The following LTBP1 variants were observed in gnomAD, a reference collection of about 807,000 sequenced individuals.
The protein encoded by LTBP1 is latent-transforming growth factor beta-binding protein 1.
Under a neutral mutation model 207.6 loss-of-function variants are expected in LTBP1, and 129 were observed. The ratio of observed to expected loss-of-function variants is 0.62; its 90% confidence interval spans 0.54 to 0.72. The LOEUF (loss-of-function observed/expected upper bound fraction) is 0.72, where lower values mean the gene tolerates loss of function less well. Among genes scored for constraint, LTBP1 ranks in the 30% least tolerant of loss-of-function variants. LTBP1 has a pLI of 0.00. For missense variants in LTBP1, 2,281 were observed against 2,217.2 expected (o/e 1.03, Z -0.58); for synonymous variants, 963 against 833.7 (o/e 1.16, Z -2.67).
intron 3 of LTBP1, among the ~76,000 whole-genome samples, chr2:33,077,700 TGGGG>T (rs2078161317): frequency 6.6e-6 from 1 of 152,176 alleles, no homozygotes; most frequent in Non-Finnish European, 1.5e-5. Flanking sequence ...GAGATTTGGG[TGGGG>T]ACACAGATCC....
chr2:33,320,523 G>T (rs2094339422), intron 24 of LTBP1, among the ~76,000 whole-genome samples: 1 of 152,078 alleles, frequency 6.6e-6, no homozygotes, highest in Admixed American at 6.6e-5. Context: ...GTAAGTGAAA[G>T]AAATACTGAA....
At chr2:33,086,293 G>C (rs1269084599) in intron 3 of LTBP1, among the ~76,000 whole-genome samples, 1 of 152,218 alleles carries the variant, frequency 6.6e-6, no homozygotes, top group Non-Finnish European at 1.5e-5. Context: ...AGGCTACCGG[G>C]TGGGTACCCA....
chr2:33,319,049 A>ATGG (rs1240306475), intron 24 of LTBP1, among the ~76,000 whole-genome samples: 4 of 152,256 alleles, frequency 2.6e-5, no homozygotes, highest in South Asian at 2.1e-4. Flanking sequence ...GCAGTGAGCT[A>ATGG]TGGTTGCACC....
intron 5 of LTBP1, among the ~76,000 whole-genome samples, chr2:33,162,451 T>G (rs2084551019): frequency 6.6e-6 from 1 of 152,236 alleles, no homozygotes. Context: ...ATTTTCCATT[T>G]TAATCATAAC....
At chr2:32,990,820 T>A (rs185774872) in intron 2 of LTBP1, among the ~76,000 whole-genome samples, 9 of 152,288 alleles carry the variant, frequency 5.9e-5, no homozygotes, top group Admixed American at 2.6e-4. Context: ...GGGAGAAAAT[T>A]GACACATCAT....
chr2:32,998,498 G>A lies in LTBP1; in HGVS notation c.566-22411G>A, dbSNP rs189173786. On this transcript the variant is annotated intron_variant, in intron 2 of 33. Transcript: ENST00000404816. Reference sequence around the variant, plus strand: ...CACTGCACTCCAGCCTGGCAACAGAGTGAGACTCCATCTTAAAAAAAAAAA... The same window carrying A: ...CACTGCACTCCAGCCTGGCAACAGAATGAGACTCCATCTTAAAAAAAAAAA... Among the ~76,000 whole-genome samples the A allele has an allele frequency of 3.3e-3, 350 of 104,884 alleles. 1 individual carries two copies. The highest frequency in any genetic ancestry group is 0.013 in the Middle Eastern group (1 of 76). The allele number at this position is 104,884 out of a possible 152,430, so 68.8% of individuals were successfully genotyped here.
intron 13 of LTBP1, among the ~76,000 whole-genome samples, chr2:33,260,644 T>C (rs1290328970): frequency 1.3e-5 from 2 of 152,224 alleles, no homozygotes; most frequent in Non-Finnish European, 2.9e-5. Flanking sequence ...AAAGAGGTTA[T>C]AGTATTTTGA....
chr2:33,280,591 T>G (rs941200700), intron 19 of LTBP1, among the ~76,000 whole-genome samples: 3 of 152,236 alleles, frequency 2.0e-5, no homozygotes, highest in African/African-American at 7.2e-5. Context: ...GTAATGTATT[T>G]GCTTTGATTC....
intron 31 of LTBP1, among the ~76,000 whole-genome samples, chr2:33,385,227 A>G (rs1460372304): frequency 1.3e-5 from 2 of 152,196 alleles, no homozygotes; most frequent in African/African-American, 4.8e-5. Flanking sequence ...CTATTTACTG[A>G]GCTAGTTTCC....
intron 31 of LTBP1, among the ~76,000 whole-genome samples, chr2:33,368,077 C>A (rs1401541384): frequency 6.6e-6 from 1 of 152,010 alleles, no homozygotes; most frequent in Admixed American, 6.6e-5. Context: ...CCTGGTGGCG[C>A]ATGCCTGTAA....
chr2:33,250,052 A>G (rs558497191), intron 10 of LTBP1, among the ~76,000 whole-genome samples: 3 of 152,220 alleles, frequency 2.0e-5, no homozygotes, highest in East Asian at 1.9e-4. Context: ...TATTCAGACA[A>G]TAACAACACC....
chr2:33,186,684 T>C (rs1182226165), intron 5 of LTBP1, among the ~76,000 whole-genome samples, 172 bp from the exon 6 acceptor site: 1 of 152,240 alleles, frequency 6.6e-6, no homozygotes, highest in Non-Finnish European at 1.5e-5. Context: ...AGGTAGTCAG[T>C]AACGGAGACT....
chr2:33,353,507 C>T (rs966711864), intron 26 of LTBP1, among the ~76,000 whole-genome samples: 5 of 152,152 alleles, frequency 3.3e-5, no homozygotes, highest in Admixed American at 1.3e-4. Flanking sequence ...GGTAGACACT[C>T]GGTAACTGTT....
chr2:32,961,465 A>G (rs1406357187), intron 2 of LTBP1, among the ~76,000 whole-genome samples: 3 of 152,264 alleles, frequency 2.0e-5, no homozygotes, highest in Non-Finnish European at 4.4e-5. Context: ...TGATGATCAT[A>G]GAAAATCTAC....
chr2:33,104,861 C>G (rs2150184473), intron 3 of LTBP1, among the ~76,000 whole-genome samples: 1 of 152,266 alleles, frequency 6.6e-6, no homozygotes, highest in African/African-American at 2.4e-5. Flanking sequence ...GCCCTTTCTT[C>G]TGACAGACAT....
chr2:33,290,497 A>G (rs921936837), intron 19 of LTBP1, among the ~76,000 whole-genome samples: 1 of 152,224 alleles, frequency 6.6e-6, no homozygotes, highest in Non-Finnish European at 1.5e-5. Context: ...AACACCATTT[A>G]TCAGATTTGT....
intron 22 of LTBP1, among the ~76,000 whole-genome samples, chr2:33,306,369 A>T (rs2094093982): frequency 6.6e-6 from 1 of 152,022 alleles, no homozygotes; most frequent in Non-Finnish European, 1.5e-5. Context: ...CAGGAGTTCG[A>T]GACCAGCCTG....
rs566570939 is a variant in LTBP1 at position 33,138,945 on chromosome 2, G to A, written c.1201+3985G>A. On this transcript the variant is annotated intron_variant, in intron 5 of 33. Transcript: ENST00000404816. ...GCGATCTCGGCTCACTGCAAGCTCCGCCTCCCGGGTTCACGCCATTCTCCT... is the reference window on the plus strand; with the variant it reads ...GCGATCTCGGCTCACTGCAAGCTCCACCTCCCGGGTTCACGCCATTCTCCT... Among the ~76,000 whole-genome samples the A allele has an allele frequency of 2.6e-3, 329 of 128,470 alleles. 2 individuals are homozygous for A. The highest frequency in any genetic ancestry group is 4.4e-3 in the Non-Finnish European group (280 of 63,682). 84.3% of individuals were successfully genotyped at this position (128,470 alleles called of 152,430 possible).
intron 2 of LTBP1, among the ~76,000 whole-genome samples, chr2:32,976,854 C>T (rs774417870): frequency 1.3e-5 from 2 of 152,204 alleles, no homozygotes; most frequent in African/African-American, 2.4e-5. Context: ...GTACAGCAAA[C>T]AAGCAAGCTC....
Sources: allele counts gnomAD v4.1 joint callset (sites outside exome capture counted in the v4.1 genomes callset), GRCh38; gene constraint gnomAD v4.1.1; transcripts MANE v1.5; gene names NCBI Gene and HGNC (gene_info 2026-07-23, HGNC 2026-07-21).